Variants in FLT1 observed in about 807,000 individuals in gnomAD.
FLT1 encodes the protein fms related receptor tyrosine kinase 1.
A neutral mutation model predicts 156.3 loss-of-function variants in FLT1; 49 were observed. The observed-to-expected ratio is 0.31, with a 90% CI of 0.25 to 0.40. The LOEUF is 0.40. FLT1 is among the 10% of genes least tolerant of loss of function. The pLI is 1.00. For missense variants in FLT1, 1,322 were observed against 1,637.2 expected, an observed-to-expected ratio of 0.81 and a Z score of 3.32; for synonymous variants, 594 against 583.8, an observed-to-expected ratio of 1.02 and a Z score of -0.25.
At chr13:28,489,740 G>T (rs1252664297) in intron 1 of FLT1, among the ~76,000 whole-genome samples, 1 of 152,156 alleles carries the variant, frequency 6.6e-6, no homozygotes, top group Non-Finnish European at 1.5e-5. Flanking sequence ...AACCCAGTGT[G>T]TGTGTGGAGA....
chr13:28,398,307 C>A (rs1875189510), intron 11 of FLT1, among the ~76,000 whole-genome samples: 1 of 152,116 alleles, frequency 6.6e-6, no homozygotes, highest in African/African-American at 2.4e-5. Flanking sequence ...AGTATAATGA[C>A]AAGTGACTTA....
intron 18 of FLT1, among the ~76,000 whole-genome samples, chr13:28,330,591 T>TATATATATATATATATCATATATATATG (rs1358295044): frequency 1.2e-3 from 12 of 10,294 alleles, no homozygotes; most frequent in Admixed American, 7.4e-3. Context: ...AGAGGTCCTA[T>TATATATATATATATATCATATATATATG]ATATATATAT....
In FLT1 at chr13:28,439,780, A is replaced by T. The variant is rs568637097; in HGVS notation, c.389-1435T>A. Among the ~76,000 whole-genome samples the T allele has an allele frequency of 6.6e-6, 1 of 152,360 alleles. No homozygotes were observed. Among genetic ancestry groups the T allele is most frequent in the Non-Finnish European group, 1.5e-5 (1 of 68,030 alleles). On this transcript the variant is annotated intron_variant, in intron 3 of 29. Coordinates refer to ENST00000282397, the MANE Select transcript of FLT1 (RefSeq NM_002019.4). The surrounding 1 kb of genome is among the most constrained non-coding windows in gnomAD (Gnocchi z 4.1). ...CCAAGGATTGCGGGCAACCACCAGC[A>T]TGTAGGAAGAGGCGAGGGAGGGTTC...
chr13:28,470,928 T>G (rs549369506), intron 1 of FLT1, among the ~76,000 whole-genome samples: 2 of 152,234 alleles, frequency 1.3e-5, no homozygotes, highest in East Asian at 3.9e-4. Context: ...TGACCTCAGG[T>G]GATCCGCCCA....
intron 3 of FLT1, among the ~76,000 whole-genome samples, chr13:28,451,580 GC>G (rs927831726): frequency 4.6e-5 from 7 of 151,264 alleles, no homozygotes; most frequent in African/African-American, 1.7e-4. Context: ...CGAGAGGACA[GC>G]CCCGATGCAT....
chr13:28,308,961 G>A (rs761480667), intron 27 of FLT1, 34 bp from the exon 28 acceptor site: 3 of 1,318,342 alleles, frequency 2.3e-6, no homozygotes, highest in South Asian at 2.4e-5. Flanking sequence ...ATCAAGACAG[G>A]AAAAGGCATC....
At chr13:28,316,310 T>G (rs1871201593) in intron 25 of FLT1, among the ~76,000 whole-genome samples, 1 of 152,186 alleles carries the variant, frequency 6.6e-6, no homozygotes, top group African/African-American at 2.4e-5. Context: ...CTTCCTGCAT[T>G]CCCTCTGATT....
intron 1 of FLT1, among the ~76,000 whole-genome samples, chr13:28,492,568 C>T (rs1240641277): frequency 6.6e-6 from 1 of 152,134 alleles, no homozygotes; most frequent in Non-Finnish European, 1.5e-5. Context: ...CATGTGCACA[C>T]CAGGCATGCA....
intron 1 of FLT1, among the ~76,000 whole-genome samples, chr13:28,487,608 G>A (rs1881235345): frequency 2.0e-5 from 3 of 152,208 alleles, no homozygotes; most frequent in African/African-American, 7.2e-5. Context: ...TGACAAGGAA[G>A]AATGTTAAGT....
chr13:28,389,525 G>A (rs1302412919), intron 13 of FLT1: 25 of 1,422,526 alleles, frequency 1.8e-5, no homozygotes, highest in Non-Finnish European at 2.0e-5. Flanking sequence ...TCGGCCCCCC[G>A]GAGCAGCCCC....
At chr13:28,443,203 G>A (rs1878429145) in intron 3 of FLT1, among the ~76,000 whole-genome samples, 1 of 152,220 alleles carries the variant, frequency 6.6e-6, no homozygotes, top group Non-Finnish European at 1.5e-5. Flanking sequence ...CCCACTGGGA[G>A]TATCTGGGCT....
At chr13:28,438,184 G>A (rs1201695471) in intron 4 of FLT1, 37 bp downstream of exon 4, 2 of 1,602,242 alleles carry the variant, frequency 1.2e-6, no homozygotes, top group South Asian at 2.2e-5. Context: ...CTTATTTGCA[G>A]TGAAAGTATG....
intron 15 of FLT1, among the ~76,000 whole-genome samples, chr13:28,355,762 G>A (rs1593704461): frequency 6.6e-6 from 1 of 152,212 alleles, no homozygotes. Flanking sequence ...AAGGCCCCAC[G>A]GTGCTGCTGA....
chr13:28,335,606 T>C (rs1301155487), intron 17 of FLT1, among the ~76,000 whole-genome samples: 3 of 152,210 alleles, frequency 2.0e-5, no homozygotes, highest in South Asian at 4.1e-4. Flanking sequence ...TTAGGATGTA[T>C]GAAAATTTCA....
chr13:28,419,675 C>G (rs144563793), intron 10 of FLT1, among the ~76,000 whole-genome samples: 1 of 152,190 alleles, frequency 6.6e-6, no homozygotes, highest in Non-Finnish European at 1.5e-5. Flanking sequence ...GTCAGGGGAT[C>G]GAGACCATTC....
At chr13:28,459,404 A>C (rs1879440345) in intron 3 of FLT1, among the ~76,000 whole-genome samples, 1 of 152,224 alleles carries the variant, frequency 6.6e-6, no homozygotes, top group Non-Finnish European at 1.5e-5. Flanking sequence ...TCCTACTGGA[A>C]GATTAGTGTT....
chr13:28,321,781 G>T (rs1871472208), intron 22 of FLT1, among the ~76,000 whole-genome samples, 196 bp from the exon 23 acceptor site: 2 of 152,242 alleles, frequency 1.3e-5, no homozygotes, highest in African/African-American at 4.8e-5. Context: ...TCAAAGTCAA[G>T]AAATGGTCTG....
At chr13:28,436,024 C>T (rs1878003521) in intron 4 of FLT1, among the ~76,000 whole-genome samples, 3 of 152,202 alleles carry the variant, frequency 2.0e-5, no homozygotes, top group Admixed American at 2.0e-4. Context: ...GACAGACGTC[C>T]TCAGTACAAC....
At chr13:28,402,573 T>A (rs1218458628) in intron 11 of FLT1, among the ~76,000 whole-genome samples, 1 of 151,958 alleles carries the variant, frequency 6.6e-6, no homozygotes, top group African/African-American at 2.4e-5. Flanking sequence ...ATAAAATATA[T>A]CTATATATAT....
Sources: gnomAD v4.1 joint callset for allele counts (sites outside exome capture counted in the v4.1 genomes callset) on GRCh38, gnomAD v4.1.1 for gene constraint, Gnocchi (gnomAD v3.1) non-coding constraint, MANE v1.5 for transcripts, NCBI Gene and HGNC (gene_info 2026-07-23, HGNC 2026-07-21) for gene names.